Variants in CDH23 observed in about 807,000 individuals in gnomAD.
CDH23 encodes cadherin related 23, also known as cadherin-23.
In CDH23, 189 loss-of-function variants were observed where a neutral mutation model predicts 317.1. That is an observed-to-expected ratio of 0.60 (90% CI 0.53 to 0.67). The LOEUF (loss-of-function observed/expected upper bound fraction) is 0.67. Ranked by LOEUF, CDH23 falls within the 30% of genes least tolerant of loss-of-function variation. The probability of loss-of-function intolerance (pLI) is 0.00; values close to 1 mark genes in which losing one functional copy is unlikely to be tolerated. For synonymous variants in CDH23, 1,839 were observed against 1,876.8 expected (o/e 0.98, Z 0.52); for missense variants, 4,401 against 4,592.4 (o/e 0.96, Z 1.20).
intron 38 of CDH23, among the ~76,000 whole-genome samples, chr10:71,756,406 C>A (rs1840149560): frequency 6.6e-6 from 1 of 152,118 alleles, no homozygotes; most frequent in African/African-American, 2.4e-5. Flanking sequence ...TGAAGCAGTC[C>A]CCTGTTGGTA....
chr10:71,588,059 TTGG>T (rs1315423422), intron 9 of CDH23, among the ~76,000 whole-genome samples: 2 of 152,138 alleles, frequency 1.3e-5, no homozygotes, highest in African/African-American at 4.8e-5. Flanking sequence ...ATGACAGAAC[TTGG>T]TGGGGGCCGT....
At chr10:71,514,704 C>T (rs115255159) in intron 6 of CDH23, among the ~76,000 whole-genome samples, 2,055 of 152,290 alleles carry the variant, frequency 0.013, 45 homozygotes, top group African/African-American at 0.047. Context: ...GTGAAAGGCC[C>T]TGCAATTCAC....
intron 38 of CDH23, among the ~76,000 whole-genome samples, chr10:71,764,493 T>C (rs150677313): frequency 6.6e-6 from 1 of 152,356 alleles, no homozygotes; most frequent in African/African-American, 2.4e-5. Flanking sequence ...TTTAATTTTC[T>C]TGAGATGGCA....
At chr10:71,667,074 G>A (rs145770189) in intron 14 of CDH23, among the ~76,000 whole-genome samples, 43 of 152,348 alleles carry the variant, frequency 2.8e-4, no homozygotes, top group African/African-American at 1.0e-3. Context: ...ACTCCTCACC[G>A]GCACCGGCCG....
chr10:71,722,089 A>G (rs180985556), intron 28 of CDH23, among the ~76,000 whole-genome samples: 157 of 152,312 alleles, frequency 1.0e-3, no homozygotes, highest in African/African-American at 3.6e-3. Context: ...CCAGTGAGCA[A>G]CGATAGGAAA....
chr10:71,809,160 CTTTTTCCTTTTTTTTTTTT>C, intron 60 of CDH23, among the ~76,000 whole-genome samples: 1 of 101,592 alleles, frequency 9.8e-6, no homozygotes, highest in East Asian at 3.2e-4. Context: ...TTGTTGTTTT[CTTTTTCCTTTTTTTTTTTT>C]TTTTTTTTTT....
chr10:71,659,415 G>A (rs1863551167), intron 14 of CDH23, among the ~76,000 whole-genome samples: 3 of 152,176 alleles, frequency 2.0e-5, no homozygotes, highest in Admixed American at 6.5e-5. Flanking sequence ...CAGCAGGTGG[G>A]TAGGGGACCC....
intron 28 of CDH23, among the ~76,000 whole-genome samples, chr10:71,721,126 C>A (rs1866536366): frequency 6.6e-6 from 1 of 152,210 alleles, no homozygotes; most frequent in South Asian, 2.1e-4. Flanking sequence ...GCTGCTGGAG[C>A]AGGGAGGCAT....
Position 71,679,480 on chromosome 10 carries a change from G to A in CDH23, c.1846G>A (p.Glu616Lys), listed in dbSNP as rs1449510921. Residue 616 changes from glutamate to lysine, a missense_variant, in exon 17 of 70, where the codon GAG (glutamate) becomes AAG (lysine). Physicochemically the swap from Glu to Lys is moderately conservative, Grantham distance 56 (BLOSUM62 1). This residue lies in a region of CDH23 where 3,068 missense variants were observed against 3,203.3 expected (regional missense o/e 0.96). Transcript: ENST00000224721. ...CAGCTACTTCGACATCAGCCTGTAC[G>A]AGGGCTATGGAGGTAGGTGTGGGGC... ...FGSYFDISLYEGYGVISVSRP... is the reference protein window; with the variant it reads ...FGSYFDISLYKGYGVISVSRP... The A allele has an allele frequency of 5.6e-6, 9 of 1,607,856 alleles. No homozygotes were observed. Among genetic ancestry groups the A allele is most frequent in the East Asian group, 2.2e-5 (1 of 44,788 alleles).
intron 32 of CDH23, 100 bp from the exon 33 acceptor site, chr10:71,734,140 C>T (rs890497726): frequency 8.4e-6 from 8 of 955,264 alleles, no homozygotes; most frequent in African/African-American, 1.6e-5. Flanking sequence ...GAAGTTATGC[C>T]GGACAGAGGA....
In CDH23 at chr10:71,697,553, G is replaced by C. The variant is rs548276199; in HGVS notation, c.2397+2028G>C. ...CCAGGTGTGGTGGTGCACACCTGTG[G>C]TCCCAGATACTCAGGAGGCTAAGGC... On this transcript the variant is annotated intron_variant, in intron 22 of 69. Coordinates refer to ENST00000224721, the MANE Select transcript of CDH23 (RefSeq NM_022124.6). Among the ~76,000 whole-genome samples, 11 of 152,092 alleles carry C rather than the reference G, an allele frequency of 7.2e-5. No homozygotes were observed. The East Asian group carries it at 2.1e-3, about 29-fold the overall frequency.
intron 8 of CDH23, among the ~76,000 whole-genome samples, chr10:71,576,010 G>A (rs1260248037): frequency 6.6e-6 from 1 of 152,246 alleles, no homozygotes; most frequent in Non-Finnish European, 1.5e-5. Flanking sequence ...GACTCTTTTA[G>A]GAAGAGTCCC....
chr10:71,722,143 A>C (rs554630430), intron 28 of CDH23, among the ~76,000 whole-genome samples: 1 of 152,292 alleles, frequency 6.6e-6, no homozygotes, highest in South Asian at 2.1e-4. Context: ...AATCCATTCT[A>C]TATTATCTTA....
rs933375004 is a variant in CDH23, at chr10:71,773,298, C to T, written c.4846-4382C>T. 2.6e-6 allele frequency: 4 copies of T among 1,534,654 alleles called. No homozygotes were observed. In the African/African-American group the frequency reaches 5.5e-5, roughly 21 times the overall value. The stretch of plus-strand genomic sequence containing the variant: ...CAGGACGCCCCCATCCCACAGTTCC[C>T]ACTCCAGTCTGCTGTCTTCTCCCAG... On this transcript the variant is annotated intron_variant, in intron 38 of 69. Coordinates refer to ENST00000224721, the MANE Select transcript of CDH23 (RefSeq NM_022124.6).
intron 38 of CDH23, among the ~76,000 whole-genome samples, chr10:71,752,759 A>G (rs531403957): frequency 6.6e-6 from 1 of 152,030 alleles, no homozygotes; most frequent in Non-Finnish European, 1.5e-5. Context: ...AGGTGGGTGC[A>G]TGACACATCT....
chr10:71,669,255 C>T (rs749627690), intron 14 of CDH23, among the ~76,000 whole-genome samples: 1 of 152,176 alleles, frequency 6.6e-6, no homozygotes, highest in East Asian at 1.9e-4. Context: ...CTTCTAGGTG[C>T]GCAGCCGATG....
intron 38 of CDH23, chr10:71,748,595 A>G (rs1447694345): frequency 1.3e-5 from 2 of 152,242 alleles, no homozygotes; most frequent in Non-Finnish European, 2.9e-5. Flanking sequence ...TCTCCTAACA[A>G]TGAATTAGTT....
chr10:71,753,960 T>G (rs1216895317), intron 38 of CDH23: 1 of 442,328 alleles, frequency 2.3e-6, no homozygotes, highest in Non-Finnish European at 4.6e-6. Flanking sequence ...GGTCCCATTT[T>G]AGAGCTGGGG....
intron 1 of CDH23, among the ~76,000 whole-genome samples, chr10:71,432,092 T>C (rs1849397275): frequency 1.3e-5 from 2 of 151,814 alleles, no homozygotes; most frequent in Non-Finnish European, 2.9e-5. Flanking sequence ...TCCTCCAACC[T>C]GGGCAAAGGA....
Sources: allele counts gnomAD v4.1 joint callset (sites outside exome capture counted in the v4.1 genomes callset), GRCh38; gene constraint gnomAD v4.1.1; regional missense constraint gnomAD v4.1.1; transcripts MANE v1.5; gene names NCBI Gene and HGNC (gene_info 2026-07-23, HGNC 2026-07-21).